ABCA13: variants seen among roughly 807,000 people sequenced by gnomAD.
ABCA13 encodes ATP-binding cassette sub-family A member 13.
In ABCA13, 476 loss-of-function variants were observed where a neutral mutation model predicts 478.7. That is an observed-to-expected ratio of 0.99 (90% CI 0.92 to 1.07). ABCA13 has a LOEUF of 1.07. Ranked by LOEUF, ABCA13 falls within the 50% of genes least tolerant of loss-of-function variation. ABCA13 has a pLI of 0.00. For synonymous variants in ABCA13, 2,252 were observed against 2,158.9 expected, an observed-to-expected ratio of 1.04 and a Z score of -1.20; for missense variants, 6,060 against 5,910.6, an observed-to-expected ratio of 1.03 and a Z score of -0.83.
intron 48 of ABCA13, among the ~76,000 whole-genome samples, chr7:48,494,942 T>G (rs1830148312): frequency 6.6e-6 from 1 of 151,734 alleles, no homozygotes; most frequent in African/African-American, 2.4e-5. Context: ...GGTGACACAG[T>G]AAAACTGATC....
chr7:48,512,069 AAGAT>A (rs1411575515), intron 51 of ABCA13, among the ~76,000 whole-genome samples: 2 of 152,010 alleles, frequency 1.3e-5, no homozygotes, highest in Non-Finnish European at 2.9e-5. Flanking sequence ...AAGAGAAAGA[AAGAT>A]AGACAGGGAG....
chr7:48,411,567 C>CAA (rs1302535495), intron 40 of ABCA13, among the ~76,000 whole-genome samples: 1 of 152,084 alleles, frequency 6.6e-6, no homozygotes, highest in African/African-American at 2.4e-5. Context: ...CTCGGCCTCC[C>CAA]AAAGTGTTGG....
At chr7:48,579,187 T>A (rs758435996) in intron 55 of ABCA13, among the ~76,000 whole-genome samples, 2 of 151,978 alleles carry the variant, frequency 1.3e-5, no homozygotes, top group Non-Finnish European at 2.9e-5. Context: ...TGTTAAGACA[T>A]TAAAAAGTCA....
Position 48,643,518 on chromosome 7 carries a change from A to G in ABCA13, c.14943+125A>G, listed in dbSNP as rs954759409. The G allele has an allele frequency of 3.3e-5, 26 of 797,656 alleles. No individual in the cohort carries two copies. The East Asian group carries it at 6.4e-4, about 20-fold the overall frequency. 49.4% of individuals were successfully genotyped at this position (797,656 alleles called of 1,614,324 possible). A position where few individuals can be genotyped will look rare whatever the true frequency, so the allele number is the denominator to read the frequency against. ...CTACTTGTTACCTTAGCCACATTGC[A>G]AAGTATAGGCCCTGCCTCCCTACCA... On this transcript the variant is annotated intron_variant, in intron 60 of 61. Coordinates refer to ENST00000435803, the MANE Select transcript of ABCA13 (RefSeq NM_152701.5).
At chr7:48,444,064 T>C (rs1293776978) in intron 42 of ABCA13, among the ~76,000 whole-genome samples, 2 of 152,202 alleles carry the variant, frequency 1.3e-5, no homozygotes, top group Non-Finnish European at 2.9e-5. Context: ...TAGGTGAGGC[T>C]GATTTCTTTG....
intron 26 of ABCA13, among the ~76,000 whole-genome samples, chr7:48,314,955 T>C (rs1169912072): frequency 6.6e-6 from 1 of 152,196 alleles, no homozygotes; most frequent in African/African-American, 2.4e-5. Context: ...GAATGCAAAT[T>C]AATACATAAT....
At chr7:48,247,925 T>G (rs999675714) in intron 13 of ABCA13, among the ~76,000 whole-genome samples, 1 of 152,184 alleles carries the variant, frequency 6.6e-6, no homozygotes, top group Non-Finnish European at 1.5e-5. Context: ...AAGGTGGTAC[T>G]GAGAGTGAGA....
chr7:48,599,453 T>C (rs1417398456), intron 58 of ABCA13, among the ~76,000 whole-genome samples: 3 of 152,192 alleles, frequency 2.0e-5, no homozygotes, highest in South Asian at 4.1e-4. Context: ...ATGTAGCAGA[T>C]ATTCCTATAT....
intron 41 of ABCA13, among the ~76,000 whole-genome samples, chr7:48,427,537 G>A (rs1821595409): frequency 6.6e-6 from 1 of 152,190 alleles, no homozygotes; most frequent in South Asian, 2.1e-4. Flanking sequence ...GTGAGGGTCT[G>A]GGAGTTCACA....
At chr7:48,319,796 C>T (rs1269549767) in intron 27 of ABCA13, among the ~76,000 whole-genome samples, 4 of 152,170 alleles carry the variant, frequency 2.6e-5, no homozygotes, top group Non-Finnish European at 4.4e-5. Context: ...ATTGCATTCT[C>T]TTTGAAGGAC....
chr7:48,271,036 T>C (rs1795533677), intron 16 of ABCA13, among the ~76,000 whole-genome samples: 1 of 152,194 alleles, frequency 6.6e-6, no homozygotes, highest in Non-Finnish European at 1.5e-5. Flanking sequence ...ATCAGGGCTG[T>C]CCCAGCCCTC....
chr7:48,439,304 C>G (rs1823267384), intron 42 of ABCA13, among the ~76,000 whole-genome samples: 1 of 152,106 alleles, frequency 6.6e-6, no homozygotes, highest in Non-Finnish European at 1.5e-5. Context: ...GGCTGGCTGT[C>G]AGCTGGGGGC....
intron 59 of ABCA13, among the ~76,000 whole-genome samples, chr7:48,630,728 CA>C (rs1420990938): frequency 6.6e-6 from 1 of 151,954 alleles, no homozygotes; most frequent in African/African-American, 2.4e-5. Context: ...GAGAAGTCAC[CA>C]AACTGCTTTC....
chr7:48,287,181 C>T (rs1797884079), intron 19 of ABCA13, among the ~76,000 whole-genome samples: 1 of 152,060 alleles, frequency 6.6e-6, no homozygotes, highest in Non-Finnish European at 1.5e-5. Flanking sequence ...TATCTGATGG[C>T]CTTGAGGAGA....
chr7:48,198,689 C>T (rs932282587), intron 3 of ABCA13, among the ~76,000 whole-genome samples: 6 of 152,250 alleles, frequency 3.9e-5, no homozygotes, highest in African/African-American at 7.2e-5. Context: ...TTTAGTGCCA[C>T]ATGCCCCCAG....
At chr7:48,576,789 C>T (rs534647580) in intron 55 of ABCA13, among the ~76,000 whole-genome samples, 2 of 152,068 alleles carry the variant, frequency 1.3e-5, no homozygotes, top group Admixed American at 1.3e-4. Context: ...CACCAGTAAG[C>T]ACAATATAAC....
Position 48,350,783 on chromosome 7 carries a change from G to A in ABCA13, c.10345G>A (p.Ala3449Thr), listed in dbSNP as rs747471970. The A allele has an allele frequency of 1.8e-5, 29 of 1,613,684 alleles. No individual in the cohort carries two copies. The highest frequency in any genetic ancestry group is 1.5e-4 in the Admixed American group (9 of 60,002). ...LQSVDILETK[A>T]HELLQQNSFL... ...GTCTGTCGACATCCTGGAGACTAAA[G>A]CACATGAACTCTTGCAGCAGAACAG... Residue 3449 changes from alanine to threonine, a missense_variant, in exon 30 of 62, where the codon GCA becomes ACA. Physicochemically the swap from Ala to Thr is moderately conservative, Grantham distance 58 (BLOSUM62 0). Around this residue, in one of 3 missense-constraint regions of ABCA13, gnomAD observed 4,423 missense variants for 4,309.1 expected, o/e 1.03. Coordinates refer to ENST00000435803, the MANE Select transcript of ABCA13 (RefSeq NM_152701.5).
chr7:48,301,082 A>C (rs1800084953), intron 23 of ABCA13, among the ~76,000 whole-genome samples: 1 of 152,218 alleles, frequency 6.6e-6, no homozygotes, highest in African/African-American at 2.4e-5. Flanking sequence ...GGCAGAGTTC[A>C]GAGGACTTTT....
rs774660874 is a variant in ABCA13 at position 48,471,567 on chromosome 7, C to T, written c.12943C>T (p.His4315Tyr). 4.5e-6 allele frequency: 7 copies of T among 1,564,852 alleles called. No homozygotes were observed. Among genetic ancestry groups the T allele is most frequent in the South Asian group, 2.4e-5 (2 of 85,094 alleles). ...SSCWRTDPFS[H>Y]PEFQDSCGCL... ...ATGCTGGCGCACAGATCCCTTTTCTCACCCAGAATTCCAGGATTCATGTGG... is the reference window on the plus strand; with the variant it reads ...ATGCTGGCGCACAGATCCCTTTTCTTACCCAGAATTCCAGGATTCATGTGG... The change falls in exon 45 of 62, where the codon CAC (histidine) becomes TAC (tyrosine). Residue 4315 changes from histidine to tyrosine, a missense_variant. Transcript: ENST00000435803.
Sources: gnomAD v4.1 joint callset for allele counts (sites outside exome capture counted in the v4.1 genomes callset) on GRCh38, gnomAD v4.1.1 for gene constraint, gnomAD v4.1.1 regional missense constraint, MANE v1.5 for transcripts, NCBI Gene and HGNC (gene_info 2026-07-23, HGNC 2026-07-21) for gene names.